The following KLHL14 variants were observed in gnomAD, a reference collection of about 807,000 sequenced individuals.
KLHL14 encodes kelch like family member 14.
In KLHL14, 22 loss-of-function variants were observed where a neutral mutation model predicts 64.3. The observed-to-expected ratio is 0.34, with a 90% CI of 0.24 to 0.49. The LOEUF is 0.49. KLHL14 is among the 20% of genes least tolerant of loss of function. The pLI is 0.99. For synonymous variants in KLHL14, 322 were observed against 333.4 expected, an observed-to-expected ratio of 0.97 and a Z score of 0.37; for missense variants, 661 against 789.0, an observed-to-expected ratio of 0.84 and a Z score of 1.94.
intron 3 of KLHL14, among the ~76,000 whole-genome samples, chr18:32,711,185 G>T (rs2144500233): frequency 6.6e-6 from 1 of 152,204 alleles, no homozygotes; most frequent in South Asian, 2.1e-4. Context: ...ACCTCTTCAA[G>T]TCACAGCCCA....
intron 2 of KLHL14, among the ~76,000 whole-genome samples, chr18:32,764,424 C>T (rs1568085948): frequency 6.6e-6 from 1 of 152,050 alleles, no homozygotes; most frequent in Non-Finnish European, 1.5e-5. Context: ...TGAGTTCTTT[C>T]CAAATGGAAG....
chr18:32,721,261 C>A (rs1205256884), intron 3 of KLHL14, among the ~76,000 whole-genome samples: 1 of 152,148 alleles, frequency 6.6e-6, no homozygotes, highest in Non-Finnish European at 1.5e-5. Flanking sequence ...TGAGAAAAAA[C>A]CCAGGCTTCT....
chr18:32,772,806 C>T lies in KLHL14; in HGVS notation c.-183G>A, dbSNP rs992968155. On this transcript the variant is annotated 5_prime_UTR_variant, in exon 1 of 9. Transcript: ENST00000359358. ...CCCAACTCCAGGCAGTCACTCTTTA[C>T]AATTTATTTTGTCGTACATCATTTG... is the stretch of plus-strand genomic sequence containing the variant. 4 of 152,926 alleles carry T rather than the reference C, an allele frequency of 2.6e-5. No individual in the cohort carries two copies. Among genetic ancestry groups the T allele is most frequent in the Non-Finnish European group, 4.4e-5 (3 of 68,590 alleles). 9.5% of individuals were successfully genotyped at this position (152,926 alleles called of 1,614,324 possible). A position where few individuals can be genotyped will look rare whatever the true frequency, so the allele number is the denominator to read the frequency against.
At chr18:32,768,036 C>A (rs541738624) in intron 2 of KLHL14, among the ~76,000 whole-genome samples, 2 of 152,132 alleles carry the variant, frequency 1.3e-5, no homozygotes, top group African/African-American at 4.8e-5. Context: ...CAAGGCCCAT[C>A]GCCCATCACA....
intron 3 of KLHL14, among the ~76,000 whole-genome samples, chr18:32,725,146 C>A (rs1266095496): frequency 2.0e-5 from 3 of 152,010 alleles, no homozygotes; most frequent in Non-Finnish European, 4.4e-5. Context: ...TGCAGCCTCC[C>A]AAGTAGGTGG....
At chr18:32,731,948 C>A (rs918972438) in intron 3 of KLHL14, among the ~76,000 whole-genome samples, 2 of 152,054 alleles carry the variant, frequency 1.3e-5, no homozygotes, top group East Asian at 1.9e-4. Context: ...TGGCTGAGCG[C>A]GGTGGCTTAC....
At chr18:32,750,888 C>T (rs1045603438) in intron 2 of KLHL14, among the ~76,000 whole-genome samples, 2 of 152,212 alleles carry the variant, frequency 1.3e-5, no homozygotes, top group Non-Finnish European at 2.9e-5. Context: ...CAAAGCCAAA[C>T]ATTAATAACC....
chr18:32,754,141 T>C (rs538209031), intron 2 of KLHL14, among the ~76,000 whole-genome samples: 1 of 152,330 alleles, frequency 6.6e-6, no homozygotes, highest in South Asian at 2.1e-4. Flanking sequence ...CCTGCCACAG[T>C]GGAGCCATTC....
At chr18:32,699,607 G>A (rs908356273) in intron 3 of KLHL14, among the ~76,000 whole-genome samples, 1 of 152,044 alleles carries the variant, frequency 6.6e-6, no homozygotes, top group Admixed American at 6.6e-5. Context: ...CCCAACTCAC[G>A]CTCTTATCCA....
intron 5 of KLHL14, among the ~76,000 whole-genome samples, chr18:32,681,245 C>A (rs2049837213): frequency 6.6e-6 from 1 of 152,016 alleles, no homozygotes; most frequent in Admixed American, 6.6e-5. Context: ...TTAAGAGAGG[C>A]TTTTGACTAT....
chr18:32,673,026 T>C lies in KLHL14; in HGVS notation c.*1631A>G, dbSNP rs1293690744. 1.4e-5 allele frequency: 2 copies of C among 147,090 alleles called. No individual in the cohort carries two copies. Among genetic ancestry groups the C allele is most frequent in the Admixed American group, 1.4e-4 (2 of 14,802 alleles). The allele number at this position is 147,090 out of a possible 1,614,324, so 9.1% of individuals were successfully genotyped here. On this transcript the variant is annotated 3_prime_UTR_variant, in exon 9 of 9. Transcript: ENST00000359358. ...TTCCCACAGAGTACTGTAACTTTTCTTTCTATATACTCATATGTTTTAAGG... is the reference window on the plus strand; with the variant it reads ...TTCCCACAGAGTACTGTAACTTTTCCTTCTATATACTCATATGTTTTAAGG...
At chr18:32,733,086 A>T (rs1273787824) in intron 3 of KLHL14, among the ~76,000 whole-genome samples, 1 of 152,198 alleles carries the variant, frequency 6.6e-6, no homozygotes, top group Non-Finnish European at 1.5e-5. Flanking sequence ...CCAGAAATCT[A>T]GGGTGTGTAG....
intron 3 of KLHL14, among the ~76,000 whole-genome samples, chr18:32,697,701 A>G (rs529114532): frequency 7.2e-5 from 11 of 152,220 alleles, no homozygotes; most frequent in Non-Finnish European, 1.5e-4. Flanking sequence ...AATTAAGTGA[A>G]GGAAATAATA....
intron 3 of KLHL14, among the ~76,000 whole-genome samples, chr18:32,705,390 A>G (rs1041371789): frequency 1.5e-4 from 23 of 152,350 alleles, no homozygotes; most frequent in Admixed American, 1.2e-3. Flanking sequence ...TGTACCCTAT[A>G]CATTATTATT....
chr18:32,711,896 G>A (rs1326584892), intron 3 of KLHL14, among the ~76,000 whole-genome samples: 1 of 152,172 alleles, frequency 6.6e-6, no homozygotes, highest in African/African-American at 2.4e-5. Flanking sequence ...AACCCACAGA[G>A]CTGAATGTGA....
chr18:32,697,985 A>T (rs1165236337), intron 3 of KLHL14, among the ~76,000 whole-genome samples: 1 of 152,184 alleles, frequency 6.6e-6, no homozygotes, highest in Non-Finnish European at 1.5e-5. Context: ...ATTACTGTGA[A>T]TTGAGAGGCT....
Position 32,770,272 on chromosome 18 carries a change from G to A in KLHL14, c.320C>T (p.Pro107Leu), listed in dbSNP as rs773901553. The part of the protein sequence containing the change: ...QPPPQEEPGT[P>L]SSSPDDKLLT... ...CAGCTTGTCGTCGGGGGAGGAAGAA[G>A]GAGTCCCGGGCTCCTCCTGCGGCGG... is the stretch of plus-strand genomic sequence containing the variant. Residue 107 changes from proline to leucine, a missense_variant, in exon 2 of 9, where the codon CCT becomes CTT. Physicochemically the swap from Pro to Leu is moderately conservative, Grantham distance 98 (BLOSUM62 -3). This residue lies in a region of KLHL14 where 331 missense variants were observed against 339.0 expected (regional missense o/e 0.98). Coordinates refer to ENST00000359358, the MANE Select transcript of KLHL14 (RefSeq NM_020805.3). This position sits in a 1 kb window ranked among gnomAD's most constrained non-coding sequence, Gnocchi z 6.7. 1 of 1,592,256 alleles carries A rather than the reference G, an allele frequency of 6.3e-7. No homozygotes were observed. The highest frequency in any genetic ancestry group is 1.3e-5 in the African/African-American group (1 of 74,706).
chr18:32,686,114 C>T (rs749928268), intron 5 of KLHL14, among the ~76,000 whole-genome samples: 14 of 148,850 alleles, frequency 9.4e-5, no homozygotes, highest in South Asian at 2.1e-4. Context: ...TGAGTTTAAG[C>T]GATTCTCCTG....
At chr18:32,749,307 C>T (rs139352396) in intron 2 of KLHL14, among the ~76,000 whole-genome samples, 9 of 152,228 alleles carry the variant, frequency 5.9e-5, no homozygotes, top group African/African-American at 1.4e-4. Flanking sequence ...CCCATCTTTC[C>T]GAAGCCAGGT....
Sources: allele counts gnomAD v4.1 joint callset (sites outside exome capture counted in the v4.1 genomes callset), GRCh38; gene constraint gnomAD v4.1.1; regional missense constraint gnomAD v4.1.1; non-coding constraint Gnocchi (gnomAD v3.1); transcripts MANE v1.5; gene names NCBI Gene and HGNC (gene_info 2026-07-23, HGNC 2026-07-21).